The following SLC25A21 variants were observed in gnomAD, a reference collection of about 807,000 sequenced individuals.
SLC25A21 encodes solute carrier family 25 member 21.
In SLC25A21, 47 loss-of-function variants were observed where a neutral mutation model predicts 43.8. The ratio of observed to expected loss-of-function variants is 1.07; its 90% CI spans 0.85 to 1.37. The LOEUF (loss-of-function observed/expected upper bound fraction) is 1.37. Among genes scored for constraint, SLC25A21 ranks in the 40% most tolerant of loss-of-function variants. SLC25A21 has a pLI of 0.00. For missense variants in SLC25A21, 352 were observed against 350.2 expected (o/e 1.00, Z -0.04); for synonymous variants, 131 against 121.3 (o/e 1.08, Z -0.52).
chr14:36,873,696 A>G (rs149096729), intron 2 of SLC25A21, among the ~76,000 whole-genome samples: 5 of 152,262 alleles, frequency 3.3e-5, no homozygotes, highest in Non-Finnish European at 5.9e-5. Flanking sequence ...CTAACCCACA[A>G]TGCAACGGTA....
chr14:36,811,876 AT>A (rs1009121944), intron 3 of SLC25A21, among the ~76,000 whole-genome samples: 2 of 152,156 alleles, frequency 1.3e-5, no homozygotes, highest in East Asian at 1.9e-4. Context: ...GGGTTAGAGA[AT>A]TTTTTTTAAT....
At chr14:37,066,008 G>A (rs77997865) in intron 1 of SLC25A21, among the ~76,000 whole-genome samples, 44 of 152,248 alleles carry the variant, frequency 2.9e-4, no homozygotes, top group Non-Finnish European at 6.3e-4. Context: ...TGTATAAGGA[G>A]CGGGATATTC....
chr14:36,725,269 T>A lies in SLC25A21; in HGVS notation c.438+301A>T, dbSNP rs371258588. On this transcript the variant is annotated intron_variant, in intron 6 of 9. Coordinates refer to ENST00000331299, the MANE Select transcript of SLC25A21 (RefSeq NM_030631.4). ...CAGGTGGATCACCTGATGTCAGGAG[T>A]TCGAGACCAGCCTGACCAACATGGA... The A allele has an allele frequency of 9.5e-4, 149 of 156,334 alleles. 2 individuals carry two copies. Among genetic ancestry groups the A allele is most frequent in the South Asian group, 4.1e-4 (2 of 4,932 alleles). 9.7% of individuals were successfully genotyped at this position (156,334 alleles called of 1,614,324 possible).
intron 1 of SLC25A21, among the ~76,000 whole-genome samples, chr14:36,979,688 G>A (rs181273373): frequency 2.6e-5 from 4 of 152,244 alleles, no homozygotes; most frequent in African/African-American, 4.8e-5. Context: ...TGCTTACACT[G>A]TCTAAATATA....
intron 1 of SLC25A21, among the ~76,000 whole-genome samples, chr14:36,998,946 C>A (rs1431760764): frequency 6.6e-6 from 1 of 152,144 alleles, no homozygotes; most frequent in Non-Finnish European, 1.5e-5. Flanking sequence ...CTCACTCACT[C>A]ATTCACTGTG....
At chr14:36,991,305 T>C (rs970190619) in intron 1 of SLC25A21, among the ~76,000 whole-genome samples, 4 of 152,170 alleles carry the variant, frequency 2.6e-5, no homozygotes, top group Admixed American at 6.5e-5. Flanking sequence ...TCAGCCCACC[T>C]TGGTTTTGAT....
chr14:37,116,005 T>C (rs868312728), intron 1 of SLC25A21, among the ~76,000 whole-genome samples: 13 of 152,288 alleles, frequency 8.5e-5, no homozygotes, highest in African/African-American at 3.1e-4. Context: ...ACATTATATT[T>C]ATCTATGTAA....
intron 3 of SLC25A21, among the ~76,000 whole-genome samples, chr14:36,742,836 T>C (rs1241380292): frequency 1.3e-5 from 2 of 152,230 alleles, no homozygotes; most frequent in Non-Finnish European, 2.9e-5. Context: ...TTTCTGCATA[T>C]GGTCTTTGGA....
chr14:36,949,636 T>C (rs1189940498), intron 1 of SLC25A21, among the ~76,000 whole-genome samples: 1 of 152,196 alleles, frequency 6.6e-6, no homozygotes, highest in Non-Finnish European at 1.5e-5. Flanking sequence ...GGATTTTTTT[T>C]TCCTTCGTTG....
At chr14:37,057,336 T>C (rs1327726131) in intron 1 of SLC25A21, among the ~76,000 whole-genome samples, 2 of 152,236 alleles carry the variant, frequency 1.3e-5, no homozygotes, top group East Asian at 3.8e-4. Flanking sequence ...TTGTCATTTA[T>C]ATAGTATATT....
intron 6 of SLC25A21, among the ~76,000 whole-genome samples, chr14:36,715,592 G>T (rs1202573637): frequency 6.6e-6 from 1 of 152,060 alleles, no homozygotes; most frequent in Non-Finnish European, 1.5e-5. Flanking sequence ...TAACTTTCCT[G>T]GTTGTACCTT....
At chr14:36,801,647 C>A (rs902147125) in intron 3 of SLC25A21, among the ~76,000 whole-genome samples, 3 of 152,216 alleles carry the variant, frequency 2.0e-5, no homozygotes, top group Admixed American at 6.5e-5. Flanking sequence ...TCTCCTGATG[C>A]AAGCTACTCT....
chr14:37,171,666 ATTT>A (rs1336784530), intron 1 of SLC25A21, among the ~76,000 whole-genome samples: 1 of 152,066 alleles, frequency 6.6e-6, no homozygotes, highest in Non-Finnish European at 1.5e-5. Context: ...TAATTACAAC[ATTT>A]TTTTCTAAAG....
chr14:37,051,440 T>C (rs1961704360), intron 1 of SLC25A21, among the ~76,000 whole-genome samples: 1 of 152,162 alleles, frequency 6.6e-6, no homozygotes, highest in Non-Finnish European at 1.5e-5. Flanking sequence ...TAGCCTATCA[T>C]TTACAAAAAG....
intron 1 of SLC25A21, among the ~76,000 whole-genome samples, chr14:37,043,414 C>T (rs1192533210): frequency 6.6e-6 from 1 of 152,178 alleles, no homozygotes; most frequent in South Asian, 2.1e-4. Flanking sequence ...CCACACACTC[C>T]AGTCTGAGCT....
intron 1 of SLC25A21, among the ~76,000 whole-genome samples, chr14:37,091,683 G>C (rs760627424): frequency 6.6e-5 from 10 of 152,156 alleles, no homozygotes; most frequent in Non-Finnish European, 1.3e-4. Flanking sequence ...AGAACCATAA[G>C]TATTGACTTG....
chr14:37,110,519 T>C (rs931814081), intron 1 of SLC25A21, among the ~76,000 whole-genome samples: 1 of 151,910 alleles, frequency 6.6e-6, no homozygotes, highest in Non-Finnish European at 1.5e-5. Flanking sequence ...ACACAAGTTA[T>C]AATAAAGATA....
At chr14:37,025,278 A>G (rs1303476686) in intron 1 of SLC25A21, among the ~76,000 whole-genome samples, 2 of 152,190 alleles carry the variant, frequency 1.3e-5, no homozygotes, top group Non-Finnish European at 2.9e-5. Flanking sequence ...AATAGAAATA[A>G]TAGCTCCACC....
chr14:37,136,560 GA>G (rs1963483051), intron 1 of SLC25A21, among the ~76,000 whole-genome samples: 1 of 152,044 alleles, frequency 6.6e-6, no homozygotes, highest in Non-Finnish European at 1.5e-5. Flanking sequence ...TCACCCAAAT[GA>G]CTTGGAAACT....
Sources: gnomAD v4.1 joint callset for allele counts (sites outside exome capture counted in the v4.1 genomes callset) on GRCh38, gnomAD v4.1.1 for gene constraint, MANE v1.5 for transcripts, NCBI Gene and HGNC (gene_info 2026-07-23, HGNC 2026-07-21) for gene names.